ASTN2: variants seen among roughly 807,000 people sequenced by gnomAD.
ASTN2 encodes the protein astrotactin 2, also known as astrotactin-2.
In ASTN2, 54 loss-of-function variants were observed where a neutral mutation model predicts 139.8. That is an observed-to-expected ratio of 0.39 (90% CI 0.31 to 0.48). The LOEUF is 0.48. Among genes scored for constraint, ASTN2 ranks in the 20% least tolerant of loss-of-function variants. The pLI is 0.95. For missense variants in ASTN2, 1,565 were observed against 1,725.1 expected (o/e 0.91, Z 1.64); for synonymous variants, 756 against 719.5 (o/e 1.05, Z -0.81).
intron 17 of ASTN2, among the ~76,000 whole-genome samples, chr9:116,631,534 G>C (rs908565258): frequency 5.3e-5 from 8 of 151,902 alleles, no homozygotes; most frequent in African/African-American, 1.7e-4. Flanking sequence ...TGGAGGTGGA[G>C]AGATGATTGG....
chr9:117,214,326 C>G, intron 3 of ASTN2, 32 bp downstream of exon 3: 2 of 1,534,214 alleles, frequency 1.3e-6, no homozygotes, highest in South Asian at 1.3e-5. Context: ...AAAATGCCCC[C>G]TGGAAAATGG....
intron 3 of ASTN2, among the ~76,000 whole-genome samples, chr9:117,209,892 T>C (rs1832063571): frequency 6.6e-6 from 1 of 152,036 alleles, no homozygotes; most frequent in African/African-American, 2.4e-5. Flanking sequence ...TAGATATCAA[T>C]GACAACAGGA....
intron 7 of ASTN2, among the ~76,000 whole-genome samples, chr9:116,995,391 A>C (rs772012906): frequency 5.9e-5 from 9 of 152,322 alleles, no homozygotes; most frequent in South Asian, 4.1e-4. Flanking sequence ...GTAAATTACA[A>C]AGCTGGGATT....
chr9:117,125,304 A>G (rs962007149), intron 4 of ASTN2, among the ~76,000 whole-genome samples: 4 of 152,180 alleles, frequency 2.6e-5, no homozygotes, highest in African/African-American at 7.2e-5. Flanking sequence ...ATACACATAC[A>G]TATTTTGTAC....
At chr9:116,832,065 C>T (rs1831830103) in intron 11 of ASTN2, among the ~76,000 whole-genome samples, 2 of 152,036 alleles carry the variant, frequency 1.3e-5, no homozygotes, top group South Asian at 4.1e-4. Flanking sequence ...TATATTTTGT[C>T]AGATTCACAT....
chr9:116,590,845 G>C (rs1360103724), intron 19 of ASTN2, among the ~76,000 whole-genome samples: 1 of 152,150 alleles, frequency 6.6e-6, no homozygotes, highest in Admixed American at 6.5e-5. Flanking sequence ...CTTGCCCATG[G>C]AAAGCAGTGA....
intron 13 of ASTN2, among the ~76,000 whole-genome samples, chr9:116,743,561 G>C (rs1004804939): frequency 9.9e-5 from 15 of 152,110 alleles, no homozygotes; most frequent in Non-Finnish European, 1.5e-5. Context: ...GCCCAGGCTG[G>C]AGTGCACTGG....
intron 13 of ASTN2, among the ~76,000 whole-genome samples, chr9:116,787,191 G>A (rs1356163029): frequency 6.6e-6 from 1 of 152,210 alleles, no homozygotes; most frequent in Non-Finnish European, 1.5e-5. Context: ...GGACAACTCA[G>A]TGTGAGATGG....
chr9:116,497,425 C>T (rs1564319148), intron 19 of ASTN2, among the ~76,000 whole-genome samples: 1 of 152,192 alleles, frequency 6.6e-6, no homozygotes. Context: ...CCCACAGGAA[C>T]AAAACCTCTT....
intron 1 of ASTN2, among the ~76,000 whole-genome samples, chr9:117,392,320 G>C (rs962314937): frequency 1.7e-4 from 26 of 152,166 alleles, no homozygotes; most frequent in Non-Finnish European, 3.8e-4. Flanking sequence ...TTGAAATGAG[G>C]GGAAACAAAG....
At chr9:116,435,404 T>C (rs1847620480) in intron 22 of ASTN2, among the ~76,000 whole-genome samples, 1 of 152,216 alleles carries the variant, frequency 6.6e-6, no homozygotes, top group Non-Finnish European at 1.5e-5. Context: ...AACATTTATA[T>C]GGCTTCTGGG....
chr9:116,632,413 A>G (rs1856853198), intron 17 of ASTN2, among the ~76,000 whole-genome samples: 1 of 152,034 alleles, frequency 6.6e-6, no homozygotes, highest in Non-Finnish European at 1.5e-5. Context: ...TGGCCAATAT[A>G]GTGAGACCTC....
intron 13 of ASTN2, among the ~76,000 whole-genome samples, chr9:116,749,860 C>T (rs1829352328): frequency 6.6e-6 from 1 of 152,160 alleles, no homozygotes; most frequent in Admixed American, 6.5e-5. Context: ...CTCTCACTCT[C>T]ATTATGTGAT....
At chr9:117,335,945 C>T (rs1828867155) in intron 1 of ASTN2, among the ~76,000 whole-genome samples, 3 of 151,442 alleles carry the variant, frequency 2.0e-5, no homozygotes, top group Admixed American at 2.0e-4. Flanking sequence ...TTATTCCAGG[C>T]ACACATTTAG....
chr9:116,620,817 G>C (rs1460211574), intron 17 of ASTN2, among the ~76,000 whole-genome samples: 1 of 152,156 alleles, frequency 6.6e-6, no homozygotes, highest in African/African-American at 2.4e-5. Context: ...TAAATAACTT[G>C]ACTGAGGTTT....
At chr9:116,995,368 G>T (rs186342655) in intron 7 of ASTN2, among the ~76,000 whole-genome samples, 7 of 152,280 alleles carry the variant, frequency 4.6e-5, no homozygotes, top group Non-Finnish European at 1.5e-5. Context: ...ACTTGTCAAA[G>T]GTCATACTAT....
At chr9:116,494,982 C>A (rs533205867) in intron 19 of ASTN2, among the ~76,000 whole-genome samples, 4 of 152,262 alleles carry the variant, frequency 2.6e-5, no homozygotes, top group African/African-American at 9.6e-5. Context: ...TGGTTGAAGC[C>A]TGGATCTGCT....
At chr9:117,230,963 T>C (rs1250399787) in intron 2 of ASTN2, among the ~76,000 whole-genome samples, 2 of 152,154 alleles carry the variant, frequency 1.3e-5, no homozygotes, top group Non-Finnish European at 2.9e-5. Context: ...TCCCCAAACT[T>C]GCCTGGTCAT....
At chr9:116,688,044 C>T (rs953279253) in intron 16 of ASTN2, among the ~76,000 whole-genome samples, 1 of 151,808 alleles carries the variant, frequency 6.6e-6, no homozygotes, top group Non-Finnish European at 1.5e-5. Flanking sequence ...CAGCACAGTG[C>T]CCGATGGAAT....
Sources: allele counts gnomAD v4.1 joint callset (sites outside exome capture counted in the v4.1 genomes callset), GRCh38; gene constraint gnomAD v4.1.1; transcripts MANE v1.5; gene names NCBI Gene and HGNC (gene_info 2026-07-23, HGNC 2026-07-21).